The following PPP1R12B variants were observed in gnomAD, a reference collection of about 807,000 sequenced individuals.
PPP1R12B encodes the protein protein phosphatase 1 regulatory subunit 12B, also known as myosin phosphatase target subunit 2.
In PPP1R12B, 76 loss-of-function variants were observed where a neutral mutation model predicts 126.1. The ratio of observed to expected loss-of-function variants is 0.60; its 90% confidence interval spans 0.50 to 0.73. PPP1R12B has a LOEUF of 0.73. PPP1R12B is among the 30% of genes least tolerant of loss of function. The pLI, the probability that PPP1R12B is intolerant of heterozygous loss-of-function variation, is 0.00. For synonymous variants in PPP1R12B, 356 were observed against 434.7 expected, an observed-to-expected ratio of 0.82 and a Z score of 2.25; for missense variants, 1,052 against 1,205.1, an observed-to-expected ratio of 0.87 and a Z score of 1.88.
intron 18 of PPP1R12B, among the ~76,000 whole-genome samples, chr1:202,506,198 A>C (rs1227187492): frequency 6.6e-6 from 1 of 152,218 alleles, no homozygotes; most frequent in African/African-American, 2.4e-5. Context: ...TTGACTCCAC[A>C]TTGGCCTCGA....
intron 18 of PPP1R12B, among the ~76,000 whole-genome samples, chr1:202,548,806 CTCTATA>C (rs1219300857): frequency 0.03 from 2,300 of 76,056 alleles, 13 homozygotes; most frequent in Admixed American, 0.058. Context: ...CTCTCTCTCT[CTCTATA>C]TATATATATA....
At chr1:202,527,893 A>T (rs1683516622) in intron 18 of PPP1R12B, among the ~76,000 whole-genome samples, 3 of 152,254 alleles carry the variant, frequency 2.0e-5, no homozygotes, top group Admixed American at 2.0e-4. Flanking sequence ...GAGGCAAAGA[A>T]AAACCAAAAT....
chr1:202,450,666 C>T (rs1401683811), intron 13 of PPP1R12B, among the ~76,000 whole-genome samples: 2 of 152,124 alleles, frequency 1.3e-5, no homozygotes, highest in African/African-American at 2.4e-5. Context: ...AAAATGAGTT[C>T]ACTGTAGATG....
intron 13 of PPP1R12B, 46 bp from the exon 14 acceptor site, chr1:202,488,487 A>T: frequency 7.2e-7 from 1 of 1,394,960 alleles, no homozygotes; most frequent in Non-Finnish European, 1.0e-6. Flanking sequence ...CCTCAAGTAT[A>T]TGCAGCAAAG....
chr1:202,553,818 T>G (rs1182237525), intron 18 of PPP1R12B, among the ~76,000 whole-genome samples: 1 of 152,114 alleles, frequency 6.6e-6, no homozygotes, highest in Non-Finnish European at 1.5e-5. Flanking sequence ...CTACCTTATG[T>G]TCTGCTTGCC....
intron 9 of PPP1R12B, among the ~76,000 whole-genome samples, chr1:202,435,935 T>G (rs549205775): frequency 6.0e-4 from 91 of 152,302 alleles, no homozygotes; most frequent in African/African-American, 2.0e-3. Flanking sequence ...CTTCTAAGGA[T>G]GCCTAGACTT....
intron 18 of PPP1R12B, among the ~76,000 whole-genome samples, chr1:202,501,301 G>A (rs1003462252): frequency 1.1e-4 from 17 of 152,160 alleles, no homozygotes; most frequent in African/African-American, 4.1e-4. Context: ...ACAAGCATAG[G>A]TACGCCACAG....
At chr1:202,454,153 T>A (rs1673336880) in intron 13 of PPP1R12B, among the ~76,000 whole-genome samples, 1 of 152,252 alleles carries the variant, frequency 6.6e-6, no homozygotes, top group Admixed American at 6.5e-5. Context: ...ATTAAATACC[T>A]TGTTGCATGA....
At chr1:202,396,640 T>A (rs1298827647) in intron 1 of PPP1R12B, among the ~76,000 whole-genome samples, 1 of 152,202 alleles carries the variant, frequency 6.6e-6, no homozygotes, top group East Asian at 1.9e-4. Flanking sequence ...AAAGTCCCTC[T>A]TTGTCACTCA....
chr1:202,549,420 C>CTTT (rs1405753070), intron 18 of PPP1R12B, among the ~76,000 whole-genome samples: 2 of 140,054 alleles, frequency 1.4e-5, no homozygotes, highest in African/African-American at 2.6e-5. Context: ...AATCAATTAC[C>CTTT]TTTTTTTTTT....
Position 202,349,134 on chromosome 1 carries a change from C to G in PPP1R12B, c.283C>G (p.Leu95Val). 1 of 1,613,930 alleles carries G rather than the reference C, an allele frequency of 6.2e-7. No homozygotes were observed. The change falls in exon 1 of 24, where the codon CTG becomes GTG. Residue 95 changes from leucine to valine, a missense_variant. Transcript: ENST00000608999. The part of the protein sequence containing the change: ...NTVNVDGLTA[L>V]HQACIDENLD... ...GGTCAACGTGGACGGCTTGACAGCC[C>G]TGCACCAGGTAACTCCTTTCTTGGT...
Position 202,547,068 on chromosome 1 carries a change from A to G in PPP1R12B, c.2491-11809A>G, listed in dbSNP as rs187002272. Among the ~76,000 whole-genome samples the G allele has an allele frequency of 3.0e-3, 462 of 152,292 alleles. 3 individuals are homozygous for G. The highest frequency in any genetic ancestry group is 1.0e-2 in the African/African-American group (414 of 41,576). On this transcript the variant is annotated intron_variant, in intron 18 of 23. Coordinates refer to ENST00000608999, the MANE Select transcript of PPP1R12B (RefSeq NM_002481.4). Reference sequence around the variant, plus strand: ...GATTCAGAAATTTAGTTAAGGGTCAATTGGTTATGAGTTTTGTGTTGGGTT... The same window carrying G: ...GATTCAGAAATTTAGTTAAGGGTCAGTTGGTTATGAGTTTTGTGTTGGGTT...
intron 19 of PPP1R12B, among the ~76,000 whole-genome samples, chr1:202,561,721 A>C (rs1687552250): frequency 6.6e-6 from 1 of 152,240 alleles, no homozygotes; most frequent in Admixed American, 6.5e-5. Context: ...GAAGAAAAAG[A>C]ATGTTTTGAA....
intron 13 of PPP1R12B, among the ~76,000 whole-genome samples, chr1:202,450,464 G>A (rs1214669143): frequency 6.6e-6 from 1 of 152,168 alleles, no homozygotes; most frequent in African/African-American, 2.4e-5. Flanking sequence ...ACTGCATTTG[G>A]GAGTTTCAAA....
chr1:202,398,874 A>G (rs1264519628), intron 1 of PPP1R12B, among the ~76,000 whole-genome samples: 1 of 152,194 alleles, frequency 6.6e-6, no homozygotes, highest in African/African-American at 2.4e-5. Flanking sequence ...AAGGCTCAAA[A>G]AAGGGCTTTC....
At chr1:202,422,585 A>G (rs376879194) in intron 2 of PPP1R12B, 35 bp from the exon 3 acceptor site, 33 of 1,596,294 alleles carry the variant, frequency 2.1e-5, no homozygotes, top group Non-Finnish European at 2.7e-5. Flanking sequence ...TATTAGATTG[A>G]CAGATAATAT....
chr1:202,443,431 G>A (rs1671872016), intron 12 of PPP1R12B, among the ~76,000 whole-genome samples: 1 of 152,164 alleles, frequency 6.6e-6, no homozygotes, highest in African/African-American at 2.4e-5. Flanking sequence ...TAACTCTTTG[G>A]AATCAACACT....
intron 18 of PPP1R12B, among the ~76,000 whole-genome samples, chr1:202,520,956 A>G (rs192044226): frequency 2.0e-5 from 3 of 152,252 alleles, no homozygotes; most frequent in Non-Finnish European, 4.4e-5. Flanking sequence ...TTTTTTTGCA[A>G]TGATCCTGTC....
chr1:202,489,582 C>T (rs1295348014), intron 14 of PPP1R12B, among the ~76,000 whole-genome samples: 1 of 152,094 alleles, frequency 6.6e-6, no homozygotes, highest in East Asian at 1.9e-4. Context: ...AAACATTATG[C>T]TAAGTGAAAG....
Sources: gnomAD v4.1 joint callset for allele counts (sites outside exome capture counted in the v4.1 genomes callset) on GRCh38, gnomAD v4.1.1 for gene constraint, MANE v1.5 for transcripts, NCBI Gene and HGNC (gene_info 2026-07-23, HGNC 2026-07-21) for gene names.